ZDHHC19: variants seen among roughly 807,000 people sequenced by gnomAD.
ZDHHC19 encodes the protein palmitoyltransferase ZDHHC19.
A neutral mutation model predicts 33.9 loss-of-function variants in ZDHHC19; 30 were observed. The ratio of observed to expected loss-of-function variants is 0.88; its 90% CI spans 0.66 to 1.20. The LOEUF (loss-of-function observed/expected upper bound fraction) is 1.20, where lower values mean the gene tolerates loss of function less well. ZDHHC19 is among the 50% of genes most tolerant of loss of function. The pLI is 0.00. For missense variants in ZDHHC19, 364 were observed against 401.1 expected, an observed-to-expected ratio of 0.91 and a Z score of 0.79; for synonymous variants, 178 against 167.6, an observed-to-expected ratio of 1.06 and a Z score of -0.48.
rs1421776477 is a variant in ZDHHC19, at chr3:196,211,153, T to A, written c.146+17A>T. 1 of 1,614,108 alleles carries A rather than the reference T, an allele frequency of 6.2e-7. No individual in the cohort carries two copies. The highest frequency in any genetic ancestry group is 8.5e-7 in the Non-Finnish European group (1 of 1,180,008). On this transcript the variant is annotated intron_variant, in intron 1 of 7. Coordinates refer to ENST00000296326, the MANE Select transcript of ZDHHC19 (RefSeq NM_001039617.2). ...GTCTCTTTGTGGGAAACCTAACGGCTTGCCTGGAAAACTCACGGGAATGCG... is the reference window on the plus strand; with the variant it reads ...GTCTCTTTGTGGGAAACCTAACGGCATGCCTGGAAAACTCACGGGAATGCG...
At chr3:196,198,639 G>A in intron 6 of ZDHHC19, 150 bp downstream of exon 6, 4 of 1,556,496 alleles carry the variant, frequency 2.6e-6, no homozygotes, top group Non-Finnish European at 3.5e-6. Context: ...GACGTAGGGA[G>A]GCCCCAGAGC....
At chr3:196,207,592 C>T (rs1473928026) in intron 4 of ZDHHC19, 89 bp from the exon 5 acceptor site, 74 of 535,646 alleles carry the variant, frequency 1.4e-4, no homozygotes, top group South Asian at 2.7e-4. Flanking sequence ...GCCCCGCCCC[C>T]GGACGCCCGC....
rs368381935 is a variant in ZDHHC19, at chr3:196,197,814, C to T, written c.*20-89G>A. On this transcript the variant is annotated intron_variant, in intron 7 of 7. Transcript: ENST00000296326. The surrounding 1 kb of genome is among the most constrained non-coding windows in gnomAD (Gnocchi z 4.4). The stretch of plus-strand genomic sequence containing the variant: ...CTCCTGCTCCTGGAGGCAAAGGGAG[C>T]GGGCTGGCCCCACAGAATGTGCTGC... 228 of 153,808 alleles carry T rather than the reference C, an allele frequency of 1.5e-3. 1 individual carries two copies. The highest frequency in any genetic ancestry group is 4.8e-3 in the African/African-American group (200 of 41,594). The allele number at this position is 153,808 out of a possible 1,614,324, so 9.5% of individuals were successfully genotyped here.
intron 2 of ZDHHC19, among the ~76,000 whole-genome samples, chr3:196,210,288 AGG>A (rs1560142458): frequency 4.7e-5 from 7 of 147,768 alleles, no homozygotes; most frequent in African/African-American, 1.3e-4. Flanking sequence ...GAAAGAAAGA[AGG>A]AAGGAAGGAA....
At chr3:196,207,941 C>A (rs1042398234) in intron 4 of ZDHHC19, among the ~76,000 whole-genome samples, 1 of 105,568 alleles carries the variant, frequency 9.5e-6, no homozygotes, top group Admixed American at 1.1e-4. Flanking sequence ...TTTTTCTTTT[C>A]TTTTCTTTTC....
At chr3:196,209,913 C>T (rs1021732109) in intron 2 of ZDHHC19, among the ~76,000 whole-genome samples, 4 of 152,144 alleles carry the variant, frequency 2.6e-5, no homozygotes, top group East Asian at 1.9e-4. Flanking sequence ...GGGGTAGGGC[C>T]GGGCGCGGGG....
In ZDHHC19 at chr3:196,198,799, G is replaced by T; in HGVS notation, c.763C>A (p.Leu255Met). 1.9e-6 allele frequency: 3 copies of T among 1,614,092 alleles called. No individual in the cohort carries two copies. Among genetic ancestry groups the T allele is most frequent in the South Asian group, 2.2e-5 (2 of 91,064 alleles). The change falls in exon 6 of 8, where the codon CTG (leucine) becomes ATG (methionine). Residue 255 changes from leucine (L) to methionine (M), a missense_variant. Physicochemically the swap from Leu to Met is conservative, Grantham distance 15. Coordinates refer to ENST00000296326, the MANE Select transcript of ZDHHC19 (RefSeq NM_001039617.2). Reference sequence around the variant, plus strand: ...GGCTTGCCAACTCACTTGGGTCCCAGTGGTGCACAAATTGTTAAATACCAG... The same window carrying T: ...GGCTTGCCAACTCACTTGGGTCCCATTGGTGCACAAATTGTTAAATACCAG... ...SNWYLTICAPLGPKYMAEAVQ... is the reference protein window; with the variant it reads ...SNWYLTICAPMGPKYMAEAVQ...
At chr3:196,209,747 T>A (rs888320234) in intron 2 of ZDHHC19, among the ~76,000 whole-genome samples, 1 of 152,212 alleles carries the variant, frequency 6.6e-6, no homozygotes, top group African/African-American at 2.4e-5. Flanking sequence ...CAGTGAGTGC[T>A]GCTTTGAGTG....
Position 196,209,413 on chromosome 3 carries a change from C to T in ZDHHC19, c.371G>A (p.Arg124Gln), listed in dbSNP as rs780470078. The change falls in exon 3 of 8, where the codon CGG (arginine) becomes CAG (glutamine). Residue 124 changes from arginine to glutamine, a missense_variant. Physicochemically the swap from Arg to Gln is conservative, Grantham distance 43 (BLOSUM62 1). Transcript: ENST00000296326. The stretch of plus-strand genomic sequence containing the variant: ...GTTGCACCAGGGGCAGTGGTAAGTC[C>T]GGGGCGGGCGGTGGAAGCAGCACTT... ...CPKCCFHRPP[R>Q]TYHCPWCNIC... The T allele has an allele frequency of 5.0e-6, 8 of 1,606,808 alleles. No individual in the cohort carries two copies. The highest frequency in any genetic ancestry group is 1.7e-4 in the Middle Eastern group (1 of 6,054).
At position 196,203,724 on chromosome 3, in the gene ZDHHC19, G is replaced by C. The variant is rs377767161; in HGVS notation, c.687+3674C>G. 2.0e-4 allele frequency among the ~76,000 whole-genome samples: 30 copies of C among 152,340 alleles called. No homozygotes were observed. In the East Asian group the frequency reaches 4.6e-3, roughly 23 times the overall value. ...ACCACAGGATGTGAGAAGGGCGAAG[G>C]CTGCCCAGAAAAGGCTGAAACGATG... On this transcript the variant is annotated intron_variant, in intron 5 of 7. Transcript: ENST00000296326. This position sits in a 1 kb window ranked among gnomAD's most constrained non-coding sequence, Gnocchi z 4.3.
At chr3:196,209,346 T>C in intron 3 of ZDHHC19, 30 bp downstream of exon 3, 3 of 1,572,970 alleles carry the variant, frequency 1.9e-6, no homozygotes, top group Non-Finnish European at 2.6e-6. Context: ...TGTGGGGCGA[T>C]GGCTGGTGGA....
intron 5 of ZDHHC19, among the ~76,000 whole-genome samples, chr3:196,200,084 G>A (rs1722145999): frequency 6.6e-6 from 1 of 151,530 alleles, no homozygotes; most frequent in Admixed American, 6.6e-5. Context: ...GACCCCAGAA[G>A]TTCAAGACCA....
intron 5 of ZDHHC19, among the ~76,000 whole-genome samples, chr3:196,206,681 T>TTTC (rs1491031049): frequency 0.06 from 468 of 7,780 alleles, no homozygotes; most frequent in Middle Eastern, 0.17. Flanking sequence ...TTTCTTTTCT[T>TTTC]TTTTTTTTTT....
In ZDHHC19 at chr3:196,210,106, G is replaced by A. The variant is rs149449536; in HGVS notation, c.268+510C>T. Among the ~76,000 whole-genome samples, 313 of 152,110 alleles carry A rather than the reference G, an allele frequency of 2.1e-3. 2 individuals carry two copies. Among genetic ancestry groups the A allele is most frequent in the African/African-American group, 7.3e-3 (302 of 41,476 alleles). On this transcript the variant is annotated intron_variant, in intron 2 of 7. Transcript: ENST00000296326. ...CTTGGGAGGCTGAGGCAGACGAATC[G>A]CTTGAACCTGGGAGGTGGAGCTTGC...
intron 5 of ZDHHC19, among the ~76,000 whole-genome samples, chr3:196,202,189 T>C (rs1346449834): frequency 2.6e-5 from 4 of 151,926 alleles, no homozygotes; most frequent in Non-Finnish European, 5.9e-5. Flanking sequence ...GGTGTGGTGG[T>C]GCACGCCCGT....
Position 196,203,076 on chromosome 3 carries a change from A to G in ZDHHC19, c.688-4202T>C, listed in dbSNP as rs1222696448. On this transcript the variant is annotated intron_variant, in intron 5 of 7. Transcript: ENST00000296326. This position sits in a 1 kb window ranked among gnomAD's most constrained non-coding sequence, Gnocchi z 4.3. ...GGAGTTCGAGACCAGCCTGGCCAAC[A>G]TGGTGAAACCCCGTCTCTACTAAAA... Among the ~76,000 whole-genome samples, 1 of 152,030 alleles carries G rather than the reference A, an allele frequency of 6.6e-6. No homozygotes were observed. Among genetic ancestry groups the G allele is most frequent in the South Asian group, 2.1e-4 (1 of 4,824 alleles).
At chr3:196,210,884 C>T in intron 1 of ZDHHC19, 147 bp from the exon 2 acceptor site, 1 of 1,324,662 alleles carries the variant, frequency 7.5e-7, no homozygotes, top group Non-Finnish European at 1.0e-6. Context: ...CTCATAATGG[C>T]TCCACCAAAT....
At chr3:196,204,922 CATG>C (rs1307576385) in intron 5 of ZDHHC19, among the ~76,000 whole-genome samples, 4 of 152,242 alleles carry the variant, frequency 2.6e-5, no homozygotes, top group Admixed American at 1.3e-4. Flanking sequence ...GCCTGGCCAA[CATG>C]GTGAACCCCA....
At position 196,209,405 on chromosome 3, in the gene ZDHHC19, G is replaced by T; in HGVS notation, c.379C>A (p.His127Asn). The T allele has an allele frequency of 6.2e-7, 1 of 1,605,984 alleles. No individual in the cohort carries two copies. Among genetic ancestry groups the T allele is most frequent in the South Asian group, 1.1e-5 (1 of 89,438 alleles). The change falls in exon 3 of 8, where the codon CAC becomes AAC. Residue 127 changes from histidine (H) to asparagine (N), a missense_variant. His to Asn is a moderately conservative substitution (Grantham distance 68, BLOSUM62 1). Transcript: ENST00000296326. The part of the protein sequence containing the change: ...CCFHRPPRTY[H>N]CPWCNICVED... ...ACACAGATGTTGCACCAGGGGCAGTGGTAAGTCCGGGGCGGGCGGTGGAAG... is the reference window on the plus strand; with the variant it reads ...ACACAGATGTTGCACCAGGGGCAGTTGTAAGTCCGGGGCGGGCGGTGGAAG...
Sources: gnomAD v4.1 joint callset for allele counts (sites outside exome capture counted in the v4.1 genomes callset) on GRCh38, gnomAD v4.1.1 for gene constraint, Gnocchi (gnomAD v3.1) non-coding constraint, MANE v1.5 for transcripts, NCBI Gene and HGNC (gene_info 2026-07-23, HGNC 2026-07-21) for gene names.